The following SOAT2 variants were observed in gnomAD, a reference collection of about 807,000 sequenced individuals.
The protein encoded by SOAT2 is ACAT-2.
Under a neutral mutation model 76.0 loss-of-function variants are expected in SOAT2, and 87 were observed. That is an observed-to-expected ratio of 1.14 (90% CI 0.96 to 1.37). SOAT2 has a LOEUF of 1.37. SOAT2 is among the 40% of genes most tolerant of loss of function. The probability of loss-of-function intolerance (pLI) is 0.00; values close to 1 mark genes in which losing one functional copy is unlikely to be tolerated. For missense variants in SOAT2, 686 were observed against 682.1 expected, an observed-to-expected ratio of 1.01 and a Z score of -0.06; for synonymous variants, 285 against 275.4, an observed-to-expected ratio of 1.03 and a Z score of -0.34.
chr12:53,104,237 G>A (rs1592274186), intron 2 of SOAT2, 31 bp downstream of exon 2: 1 of 1,563,308 alleles, frequency 6.4e-7, no homozygotes, highest in Non-Finnish European at 8.8e-7. Context: ...GAGGTCAAGT[G>A]GACAGATCCT....
At chr12:53,120,445 G>GGA (rs1325061443) in intron 10 of SOAT2, among the ~76,000 whole-genome samples, 1 of 151,864 alleles carries the variant, frequency 6.6e-6, no homozygotes, top group Admixed American at 6.6e-5. Flanking sequence ...CTCCAGACTG[G>GGA]GAGAGAGAGA....
chr12:53,115,648 C>CGAG lies in SOAT2; in HGVS notation c.703_705dup (p.Glu235dup). 1 of 1,533,370 alleles carries CGAG rather than the reference C, an allele frequency of 6.5e-7. No homozygotes were observed. The allele number at this position is 1,533,370 out of a possible 1,614,324, so 95.0% of individuals were successfully genotyped here. ...CGGCCTCCCGTTGTGTCCTGGTCTT[C>CGAG]GAGCAGGTGAGGGCCGAGCCCTGCT... is the stretch of plus-strand genomic sequence containing the variant. On this transcript the variant is annotated inframe_insertion, in exon 6 of 15. Transcript: ENST00000301466.
Position 53,124,158 on chromosome 12 carries a change from C to A in SOAT2, c.*35C>A, listed in dbSNP as rs765609089. 6.2e-7 allele frequency: 1 copy of A among 1,612,606 alleles called. No homozygotes were observed. Among genetic ancestry groups the A allele is most frequent in the South Asian group, 1.1e-5 (1 of 91,048 alleles). On this transcript the variant is annotated 3_prime_UTR_variant, in exon 15 of 15. Transcript: ENST00000301466. ...CAGACGACGCTACCTGCCCAGACAC[C>A]ACCAAGTTCTCTGCCTGCAAAACCT...
intron 3 of SOAT2, 134 bp from the exon 4 acceptor site, chr12:53,105,427 C>A: frequency 8.4e-7 from 1 of 1,186,490 alleles, no homozygotes; most frequent in Non-Finnish European, 1.2e-6. Flanking sequence ...TGACCTTCTA[C>A]CCGGTCCTGC....
chr12:53,124,038 T>C (rs764326932), intron 14 of SOAT2, 35 bp from the exon 15 acceptor site: 3 of 1,612,920 alleles, frequency 1.9e-6, no homozygotes, highest in East Asian at 2.2e-5. Context: ...TCACCAGGAA[T>C]GATCTCATTC....
At chr12:53,106,297 T>A (rs929217541) in intron 5 of SOAT2, among the ~76,000 whole-genome samples, 2 of 152,230 alleles carry the variant, frequency 1.3e-5, no homozygotes, top group Non-Finnish European at 2.9e-5. Context: ...TGTGCACACA[T>A]GCACACCCAT....
intron 10 of SOAT2, 82 bp from the exon 11 acceptor site, chr12:53,120,704 G>A: frequency 2.2e-6 from 2 of 915,296 alleles, no homozygotes; most frequent in Admixed American, 1.7e-5. Flanking sequence ...TCTGGGCAGG[G>A]GCTCCTCAGA....
Position 53,105,175 on chromosome 12 carries a change from G to C in SOAT2, c.207G>C (p.Arg69=). The change falls in exon 3 of 15, where the codon CGG becomes CGC. Residue 69 remains arginine (R), a synonymous_variant. Transcript: ENST00000301466. ...QLRELLDRAM[R]EAIQSYPSQD... is the part of the protein sequence containing the mutation. ...GGGAGCTGCTGGATCGGGCCATGCG[G>C]GAGGCTATACAATCCTACCCATCAC... is the stretch of plus-strand genomic sequence containing the variant. 4 of 1,591,758 alleles carry C rather than the reference G, an allele frequency of 2.5e-6. No individual in the cohort carries two copies. The highest frequency in any genetic ancestry group is 3.4e-6 in the Non-Finnish European group (4 of 1,169,248).
chr12:53,123,161 C>T lies in SOAT2; in HGVS notation c.1317C>T (p.Cys439=). ...CAGTGGCCCATGAGTATATCTTCTG[C>T]TTCGTCCTGGGGTTCTTCTATCCCG... The part of the protein sequence containing the change: ...VSAVAHEYIF[C]FVLGFFYPVM... Residue 439 remains cysteine, a synonymous_variant, in exon 13 of 15, where the codon TGC becomes TGT. Transcript: ENST00000301466. 6.2e-7 allele frequency: 1 copy of T among 1,614,118 alleles called. No individual in the cohort carries two copies. The highest frequency in any genetic ancestry group is 8.5e-7 in the Non-Finnish European group (1 of 1,179,986).
rs1316496095 is a variant in SOAT2, at chr12:53,105,219, C to T, written c.251C>T (p.Pro84Leu). 1 of 1,603,594 alleles carries T rather than the reference C, an allele frequency of 6.2e-7. No homozygotes were observed. Among genetic ancestry groups the T allele is most frequent in the East Asian group, 2.3e-5 (1 of 44,374 alleles). The stretch of plus-strand genomic sequence containing the variant: ...CCATCACAAGACAAACCTCTGCCCC[C>T]ACCTCCCCCAGGTTCCTTGAGCAGG... Reference protein sequence around the residue: ...SYPSQDKPLPPPPPGSLSRTQ... With the variant: ...SYPSQDKPLPLPPPGSLSRTQ... Residue 84 changes from proline (P) to leucine (L), a missense_variant, in exon 3 of 15, where the codon CCA becomes CTA. Coordinates refer to ENST00000301466, the MANE Select transcript of SOAT2 (RefSeq NM_003578.4).
At chr12:53,113,250 G>T (rs569410411) in intron 5 of SOAT2, among the ~76,000 whole-genome samples, 15 of 152,244 alleles carry the variant, frequency 9.9e-5, no homozygotes, top group East Asian at 5.8e-4. Flanking sequence ...GAGCCCTATT[G>T]CTTCCCTGGG....
Position 53,118,942 on chromosome 12 carries a change from A to C in SOAT2, c.909+7A>C. ...GGCCAAGAACTTTGCCCAGGTGAGA[A>C]GATAGGGTAGAAGGGTGGACCTGTG... On this transcript the variant is annotated splice_region_variant and intron_variant, in intron 9 of 14. Coordinates refer to ENST00000301466, the MANE Select transcript of SOAT2 (RefSeq NM_003578.4). 1 of 1,614,024 alleles carries C rather than the reference A, an allele frequency of 6.2e-7. No homozygotes were observed. The highest frequency in any genetic ancestry group is 8.5e-7 in the Non-Finnish European group (1 of 1,179,980).
rs1565629191 is a variant in SOAT2, at chr12:53,121,326, C to T, written c.1161C>T (p.Phe387=). 1 of 1,614,070 alleles carries T rather than the reference C, an allele frequency of 6.2e-7. No homozygotes were observed. Among genetic ancestry groups the T allele is most frequent in the Non-Finnish European group, 8.5e-7 (1 of 1,179,896 alleles). ...FYRDWWNSTS[F]SNYYRTWNVV... is the part of the protein sequence containing the mutation. ...AGGACTGGTGGAACTCAACGTCCTT[C>T]TCCAACTACTACCGCACTTGGAACG... The change falls in exon 12 of 15, where the codon TTC becomes TTT. Residue 387 remains phenylalanine (F), a synonymous_variant. Transcript: ENST00000301466.
At chr12:53,106,041 G>C in intron 5 of SOAT2, 27 bp downstream of exon 5, 8 of 1,531,516 alleles carry the variant, frequency 5.2e-6, no homozygotes, top group Non-Finnish European at 5.4e-6. Context: ...CCTGGGACAG[G>C]CACACCTATC....
intron 6 of SOAT2, 89 bp downstream of exon 6, chr12:53,115,743 G>A: frequency 7.2e-7 from 1 of 1,392,738 alleles, no homozygotes; most frequent in Non-Finnish European, 9.4e-7. Context: ...AGGGGGCGGG[G>A]CCCACGAGAG....
chr12:53,105,138 A>G lies in SOAT2; in HGVS notation c.170A>G (p.Gln57Arg). ...AVKAQLLEQA[Q>R]GQLRELLDRA... ...AAGGCACAATTGCTGGAGCAAGCGCAGGGACAACTGAGGGAGCTGCTGGAT... is the reference window on the plus strand; with the variant it reads ...AAGGCACAATTGCTGGAGCAAGCGCGGGGACAACTGAGGGAGCTGCTGGAT... The change falls in exon 3 of 15, where the codon CAG becomes CGG. Residue 57 changes from glutamine to arginine, a missense_variant. Physicochemically the swap from Gln to Arg is conservative, Grantham distance 43. Transcript: ENST00000301466. The G allele has an allele frequency of 1.9e-6, 3 of 1,568,636 alleles. No individual in the cohort carries two copies. The highest frequency in any genetic ancestry group is 2.6e-6 in the Non-Finnish European group (3 of 1,156,626).
At position 53,117,547 on chromosome 12, in the gene SOAT2, A is replaced by G. The variant is rs539146235; in HGVS notation, c.779-803A>G. Among the ~76,000 whole-genome samples the G allele has an allele frequency of 2.0e-5, 3 of 152,100 alleles. No homozygotes were observed. In the South Asian group the frequency reaches 6.2e-4, roughly 32 times the overall value. ...TTGCTCTCTTATTTGGGTGTATTTC[A>G]TGATGCCCTAAAACAATTACAATTG... is the stretch of plus-strand genomic sequence containing the variant. On this transcript the variant is annotated intron_variant, in intron 7 of 14. Coordinates refer to ENST00000301466, the MANE Select transcript of SOAT2 (RefSeq NM_003578.4).
chr12:53,105,189 C>G lies in SOAT2; in HGVS notation c.221C>G (p.Ser74Cys). 6.3e-7 allele frequency: 1 copy of G among 1,598,728 alleles called. No homozygotes were observed. Among genetic ancestry groups the G allele is most frequent in the Non-Finnish European group, 8.5e-7 (1 of 1,172,746 alleles). Residue 74 changes from serine (S) to cysteine (C), a missense_variant, in exon 3 of 15, where the codon TCC (serine) becomes TGC (cysteine). Transcript: ENST00000301466. ...CGGGCCATGCGGGAGGCTATACAAT[C>G]CTACCCATCACAAGACAAACCTCTG... Reference protein sequence around the residue: ...LDRAMREAIQSYPSQDKPLPP... With the variant: ...LDRAMREAIQCYPSQDKPLPP...
chr12:53,119,146 C>T lies in SOAT2; in HGVS notation c.932C>T (p.Ala311Val). ...FAQALGCVLY[A>V]CFILGRLCVP... is the part of the protein sequence containing the mutation. ...CAGGCCCTGGGATGTGTGCTCTATG[C>T]CTGCTTCATCCTGGGCCGCCTCTGT... is the stretch of plus-strand genomic sequence containing the variant. Residue 311 changes from alanine to valine, a missense_variant, in exon 10 of 15, where the codon GCC (alanine) becomes GTC (valine). By Grantham distance (64) the Ala-to-Val change is moderately conservative (BLOSUM62 0). Transcript: ENST00000301466. The T allele has an allele frequency of 1.2e-6, 2 of 1,614,064 alleles. No individual in the cohort carries two copies. Among genetic ancestry groups the T allele is most frequent in the Non-Finnish European group, 1.7e-6 (2 of 1,179,996 alleles).
Sources: allele counts gnomAD v4.1 joint callset (sites outside exome capture counted in the v4.1 genomes callset), GRCh38; gene constraint gnomAD v4.1.1; transcripts MANE v1.5; gene names NCBI Gene and HGNC (gene_info 2026-07-23, HGNC 2026-07-21).